Variants in ATRNL1 observed in about 807,000 individuals in gnomAD.
ATRNL1 encodes the protein attractin like 1, also known as attractin-like protein 1.
Under a neutral mutation model 182.7 loss-of-function variants are expected in ATRNL1, and 95 were observed. The ratio of observed to expected loss-of-function variants is 0.52; its 90% CI spans 0.44 to 0.62. The LOEUF (loss-of-function observed/expected upper bound fraction) is 0.62, where lower values mean the gene tolerates loss of function less well. Ranked by LOEUF, ATRNL1 falls within the 20% of genes least tolerant of loss-of-function variation. The probability of loss-of-function intolerance (pLI) is 0.00; values close to 1 mark genes in which losing one functional copy is unlikely to be tolerated. For synonymous variants in ATRNL1, 576 were observed against 568.3 expected, an observed-to-expected ratio of 1.01 and a Z score of -0.19; for missense variants, 1,471 against 1,679.5, an observed-to-expected ratio of 0.88 and a Z score of 2.17.
chr10:115,864,786 TC>T (rs1484358190), intron 28 of ATRNL1, among the ~76,000 whole-genome samples: 2 of 151,912 alleles, frequency 1.3e-5, no homozygotes, highest in Admixed American at 1.3e-4. Flanking sequence ...ATCGAGACCA[TC>T]CCGGCTAACA....
intron 10 of ATRNL1, among the ~76,000 whole-genome samples, 170 bp from the exon 11 acceptor site, chr10:115,265,023 T>C (rs1160619733): frequency 6.7e-6 from 1 of 148,334 alleles, no homozygotes; most frequent in South Asian, 2.1e-4. Flanking sequence ...TGAATAATGT[T>C]AGTTGAGTAA....
chr10:115,315,823 C>T, intron 18 of ATRNL1, 87 bp downstream of exon 18: 4 of 1,140,424 alleles, frequency 3.5e-6, no homozygotes, highest in Non-Finnish European at 4.9e-6. Context: ...GAAAATTTAG[C>T]TTTAGGAAAA....
intron 26 of ATRNL1, among the ~76,000 whole-genome samples, chr10:115,619,918 A>C (rs1465045043): frequency 6.6e-6 from 1 of 152,186 alleles, no homozygotes; most frequent in African/African-American, 2.4e-5. Flanking sequence ...CCAAGTATGA[A>C]TCTTAAGGTT....
At chr10:115,675,680 T>G (rs1217614614) in intron 26 of ATRNL1, among the ~76,000 whole-genome samples, 1 of 152,134 alleles carries the variant, frequency 6.6e-6, no homozygotes, top group African/African-American at 2.4e-5. Context: ...ATAGGACTTC[T>G]ACTCGGGTAC....
At chr10:115,323,705 A>T (rs186167667) in intron 18 of ATRNL1, among the ~76,000 whole-genome samples, 1 of 151,938 alleles carries the variant, frequency 6.6e-6, no homozygotes, top group East Asian at 1.9e-4. Context: ...TGGCCTCCCA[A>T]AGTGCTGGGA....
At chr10:115,800,825 T>C (rs1949774902) in intron 27 of ATRNL1, among the ~76,000 whole-genome samples, 1 of 152,180 alleles carries the variant, frequency 6.6e-6, no homozygotes, top group Non-Finnish European at 1.5e-5. Context: ...CACCAGAACC[T>C]AGCCACACAG....
rs189608501 is a variant in ATRNL1 at position 115,312,025 on chromosome 10, T to C, written c.2819-3493T>C. Among the ~76,000 whole-genome samples the C allele has an allele frequency of 1.3e-3, 204 of 152,170 alleles. 1 individual carries two copies. The highest frequency in any genetic ancestry group is 4.5e-3 in the African/African-American group (186 of 41,560). ...AAATGTTAGATGTGTCTCTTGAAGA[T>C]AGCAGATATTTGCTTTGTGGTTTTT... On this transcript the variant is annotated intron_variant, in intron 17 of 28. Coordinates refer to ENST00000355044, the MANE Select transcript of ATRNL1 (RefSeq NM_207303.4).
At chr10:115,916,484 A>G (rs563074612) in intron 28 of ATRNL1, among the ~76,000 whole-genome samples, 1 of 152,218 alleles carries the variant, frequency 6.6e-6, no homozygotes, top group Non-Finnish European at 1.5e-5. Flanking sequence ...ACAACGCTTA[A>G]AGCAAGTGAA....
intron 22 of ATRNL1, among the ~76,000 whole-genome samples, chr10:115,466,733 A>G (rs1848069140): frequency 6.6e-6 from 1 of 151,166 alleles, no homozygotes; most frequent in Non-Finnish European, 1.5e-5. Context: ...GGGTTTAATA[A>G]TAAAAATGTA....
chr10:115,324,674 TCTG>T (rs1385612690), intron 18 of ATRNL1, among the ~76,000 whole-genome samples: 5 of 152,360 alleles, frequency 3.3e-5, no homozygotes, highest in African/African-American at 1.2e-4. Context: ...AAAATTCTTT[TCTG>T]CTTTTTGTAG....
At chr10:115,126,299 C>G (rs1844972984) in intron 3 of ATRNL1, among the ~76,000 whole-genome samples, 1 of 152,286 alleles carries the variant, frequency 6.6e-6, no homozygotes, top group Admixed American at 6.5e-5. Context: ...ACCTCGTTAT[C>G]CGCCTGCCTC....
chr10:115,619,981 G>C (rs755097571), intron 26 of ATRNL1, among the ~76,000 whole-genome samples: 3 of 152,180 alleles, frequency 2.0e-5, no homozygotes, highest in Non-Finnish European at 4.4e-5. Context: ...TTTACATTAA[G>C]CCAGCAATAT....
chr10:115,194,618 A>C (rs948354237), intron 8 of ATRNL1, among the ~76,000 whole-genome samples: 1 of 151,728 alleles, frequency 6.6e-6, no homozygotes. Flanking sequence ...TCTAGGCAGC[A>C]TGTAGTGGGG....
intron 8 of ATRNL1, among the ~76,000 whole-genome samples, chr10:115,193,612 T>C (rs1178817199): frequency 1.3e-5 from 2 of 151,916 alleles, no homozygotes; most frequent in Non-Finnish European, 2.9e-5. Context: ...TTCTTTTTTC[T>C]TTGTCTGATT....
chr10:115,516,614 G>T (rs1219450132), intron 24 of ATRNL1, among the ~76,000 whole-genome samples: 1 of 151,534 alleles, frequency 6.6e-6, no homozygotes, highest in Non-Finnish European at 1.5e-5. Context: ...AATATATTCC[G>T]AACTCTTTGT....
chr10:115,926,884 G>A (rs909531454), intron 28 of ATRNL1, among the ~76,000 whole-genome samples: 6 of 152,012 alleles, frequency 3.9e-5, no homozygotes, highest in Non-Finnish European at 5.9e-5. Context: ...CCAAACAATC[G>A]AAAAGGAGGG....
chr10:115,856,428 C>CAAAAAAAAAAAAAA (rs572743389), intron 28 of ATRNL1, among the ~76,000 whole-genome samples: 553 of 22,538 alleles, frequency 0.025, 215 homozygotes, highest in Non-Finnish European at 0.034. Context: ...AGCTCCATCT[C>CAAAAAAAAAAAAAA]AAAAAAAAAA....
chr10:115,343,315 A>G (rs782090262), intron 19 of ATRNL1, among the ~76,000 whole-genome samples: 7 of 151,772 alleles, frequency 4.6e-5, no homozygotes, highest in Non-Finnish European at 7.4e-5. Flanking sequence ...ATTGTTTTTA[A>G]TCTTCTTCTT....
chr10:115,452,415 T>G (rs1186501387), intron 21 of ATRNL1, among the ~76,000 whole-genome samples: 1 of 152,132 alleles, frequency 6.6e-6, no homozygotes, highest in Non-Finnish European at 1.5e-5. Flanking sequence ...AGGTCTTTAA[T>G]TAGCTGAAAT....
Sources: allele counts gnomAD v4.1 joint callset (sites outside exome capture counted in the v4.1 genomes callset), GRCh38; gene constraint gnomAD v4.1.1; transcripts MANE v1.5; gene names NCBI Gene and HGNC (gene_info 2026-07-23, HGNC 2026-07-21).